YWHAZ: variants seen among roughly 807,000 people sequenced by gnomAD.
YWHAZ encodes tyrosine 3-monooxygenase/tryptophan 5-monooxygenase activation protein zeta.
For missense variants in YWHAZ, 79 were observed against 284.8 expected (o/e 0.28, Z 5.20); for synonymous variants, 87 against 103.6 (o/e 0.84, Z 0.97).
rs2130361606 is a variant in YWHAZ at position 100,948,537 on chromosome 8, G to A, written c.294+59C>T. ...AACCAAACAAAAAGTTAAGAGTAAT[G>A]TAACTGATACTCATAGGGACCCTAC... On this transcript the variant is annotated intron_variant, in intron 2 of 5. Coordinates refer to ENST00000395958, the MANE Select transcript of YWHAZ (RefSeq NM_145690.3). This position sits in a 1 kb window ranked among gnomAD's most constrained non-coding sequence, Gnocchi z 4.2. The A allele has an allele frequency of 6.6e-7, 1 of 1,519,316 alleles. No homozygotes were observed. Among genetic ancestry groups the A allele is most frequent in the African/African-American group, 1.4e-5 (1 of 71,856 alleles). 94.1% of individuals were successfully genotyped at this position (1,519,316 alleles called of 1,614,324 possible). A position where few individuals can be genotyped will look rare whatever the true frequency, so the allele number is the denominator to read the frequency against.
At chr8:100,926,806 A>G (rs1468477666) in intron 2 of YWHAZ, among the ~76,000 whole-genome samples, 1 of 151,842 alleles carries the variant, frequency 6.6e-6, no homozygotes, top group Non-Finnish European at 1.5e-5. Flanking sequence ...ATCTGCCTCA[A>G]ACAGTGGAAG....
In YWHAZ at chr8:100,917,370, C is replaced by G. The variant is rs1207738124; in HGVS notation, c.*3323G>C. 8 of 152,254 alleles carry G rather than the reference C, an allele frequency of 5.3e-5. No homozygotes were observed. Among genetic ancestry groups the G allele is most frequent in the African/African-American group, 1.9e-4 (8 of 41,528 alleles). 9.4% of individuals were successfully genotyped at this position (152,254 alleles called of 1,614,324 possible). ...GCTGCAGGAAAGCCCATCGTTTTTA[C>G]TAATCACACTGCTGCTCCACTTTCT... On this transcript the variant is annotated 3_prime_UTR_variant, in exon 6 of 6. Coordinates refer to ENST00000395958, the MANE Select transcript of YWHAZ (RefSeq NM_145690.3).
chr8:100,944,624 C>A (rs534299815), intron 2 of YWHAZ, among the ~76,000 whole-genome samples: 1 of 152,286 alleles, frequency 6.6e-6, no homozygotes, highest in East Asian at 1.9e-4. Context: ...CAAAAATACA[C>A]AATTTTAAAG....
chr8:100,951,431 GGGAGA>G, intron 1 of YWHAZ: 1 of 981,680 alleles, frequency 1.0e-6, no homozygotes, highest in Non-Finnish European at 1.2e-6. Context: ...GGGCGGCCGA[GGGAGA>G]GGGGAGGGGG....
Position 100,951,720 on chromosome 8 carries a change from G to A in YWHAZ, c.-12+209C>T, listed in dbSNP as rs1001874082. On this transcript the variant is annotated intron_variant, in intron 1 of 5. Coordinates refer to ENST00000395958, the MANE Select transcript of YWHAZ (RefSeq NM_145690.3). ...TCGGCGCCGGGGCGTCGATGCGGAA[G>A]CAAGGAGCCGGAGGCGGCCGCTAGC... 7 of 985,382 alleles carry A rather than the reference G, an allele frequency of 7.1e-6. No homozygotes were observed. In the African/African-American group the frequency reaches 1.0e-4, roughly 15 times the overall value. The allele number at this position is 985,382 out of a possible 1,614,324, so 61.0% of individuals were successfully genotyped here.
At chr8:100,939,979 C>T (rs1476816711) in intron 2 of YWHAZ, among the ~76,000 whole-genome samples, 2 of 151,078 alleles carry the variant, frequency 1.3e-5, no homozygotes, top group Non-Finnish European at 2.9e-5. Flanking sequence ...GCCGAGATCG[C>T]GCCACTGCAC....
At chr8:100,952,807 C>T (rs886554776), upstream of YWHAZ, 13 of 1,000,162 alleles carry the variant, frequency 1.3e-5, no homozygotes, top group African/African-American at 1.7e-5. Flanking sequence ...CCGACCGGGG[C>T]GCGCGGCCCC....
intron 2 of YWHAZ, among the ~76,000 whole-genome samples, chr8:100,939,516 GGGCGT>G (rs1293928042): frequency 6.6e-6 from 1 of 151,828 alleles, no homozygotes; most frequent in Non-Finnish European, 1.5e-5. Flanking sequence ...AAAATCAGCT[GGGCGT>G]GGTGGTGCAT....
rs904508738 is a variant in YWHAZ, at chr8:100,933,808, G to A, written c.295-8769C>T. Among the ~76,000 whole-genome samples, 52 of 152,266 alleles carry A rather than the reference G, an allele frequency of 3.4e-4. 1 individual carries two copies. Among genetic ancestry groups the A allele is most frequent in the African/African-American group, 1.2e-3 (51 of 41,562 alleles). On this transcript the variant is annotated intron_variant, in intron 2 of 5. Coordinates refer to ENST00000395958, the MANE Select transcript of YWHAZ (RefSeq NM_145690.3). ...GGATTGCTGGAGGCCAGGAGTTAGT[G>A]ACCAGCCTAAGCAATATAGCAAGAC...
Position 100,948,220 on chromosome 8 carries a change from C to G in YWHAZ, c.294+376G>C. On this transcript the variant is annotated intron_variant, in intron 2 of 5. Coordinates refer to ENST00000395958, the MANE Select transcript of YWHAZ (RefSeq NM_145690.3). This position sits in a 1 kb window ranked among gnomAD's most constrained non-coding sequence, Gnocchi z 4.2. ...TGAGTATCCTATTACATCTCTCTTACCTAAAGTATGTAAAATTCCTTTATC... is the reference window on the plus strand; with the variant it reads ...TGAGTATCCTATTACATCTCTCTTAGCTAAAGTATGTAAAATTCCTTTATC... The G allele has an allele frequency of 7.8e-7, 1 of 1,280,792 alleles. No individual in the cohort carries two copies. The highest frequency in any genetic ancestry group is 1.1e-6 in the Non-Finnish European group (1 of 947,806). 79.3% of individuals were successfully genotyped at this position (1,280,792 alleles called of 1,614,324 possible).
chr8:100,944,827 C>T (rs989733040), intron 2 of YWHAZ, among the ~76,000 whole-genome samples: 35 of 152,152 alleles, frequency 2.3e-4, no homozygotes, highest in Non-Finnish European at 7.3e-5. Flanking sequence ...TTTAATTGAG[C>T]TTAGTTTTCT....
intron 2 of YWHAZ, among the ~76,000 whole-genome samples, chr8:100,934,179 A>AT (rs1487736562): frequency 6.7e-6 from 1 of 148,928 alleles, no homozygotes; most frequent in African/African-American, 2.5e-5. Flanking sequence ...AAAAAAAAAA[A>AT]AAAAAAATTA....
At chr8:100,933,227 T>A (rs1364776417) in intron 2 of YWHAZ, among the ~76,000 whole-genome samples, 1 of 151,894 alleles carries the variant, frequency 6.6e-6, no homozygotes, top group Non-Finnish European at 1.5e-5. Context: ...GGCATGGTGG[T>A]GTGTGCCTAT....
intron 1 of YWHAZ, among the ~76,000 whole-genome samples, chr8:100,949,446 AG>A (rs1401982319): frequency 6.6e-6 from 1 of 152,200 alleles, no homozygotes; most frequent in African/African-American, 2.4e-5. Flanking sequence ...CAAACCTACT[AG>A]ATCTCTGCAA....
intron 2 of YWHAZ, among the ~76,000 whole-genome samples, chr8:100,939,218 G>A (rs982892873): frequency 6.6e-6 from 1 of 151,918 alleles, no homozygotes; most frequent in African/African-American, 2.4e-5. Context: ...CATCTGTTCT[G>A]TTCTAAAACT....
At chr8:100,933,088 C>T (rs887260650) in intron 2 of YWHAZ, among the ~76,000 whole-genome samples, 1 of 152,140 alleles carries the variant, frequency 6.6e-6, no homozygotes, top group African/African-American at 2.4e-5. Context: ...TGGCTCGGCG[C>T]AGTGGCTCAC....
In YWHAZ at chr8:100,922,537, C is replaced by A. The variant is rs1258203743; in HGVS notation, c.678+1418G>T. 1.3e-5 allele frequency: 2 copies of A among 152,184 alleles called. No homozygotes were observed. Among genetic ancestry groups the A allele is most frequent in the Non-Finnish European group, 1.5e-5 (1 of 68,104 alleles). 9.4% of individuals were successfully genotyped at this position (152,184 alleles called of 1,614,324 possible). ...AGTAGCTGGGATTACAGGTGCCCAC[C>A]ACTATGCCCAGCTAATTTTTGTATT... On this transcript the variant is annotated intron_variant, in intron 5 of 5. Transcript: ENST00000395958. This position sits in a 1 kb window ranked among gnomAD's most constrained non-coding sequence, Gnocchi z 4.1.
chr8:100,943,924 T>C (rs1029654530), intron 2 of YWHAZ, among the ~76,000 whole-genome samples: 5 of 150,404 alleles, frequency 3.3e-5, no homozygotes, highest in African/African-American at 1.2e-4. Context: ...AAGGCAGAGC[T>C]TGCAGTGAGC....
chr8:100,923,822 A>G, intron 5 of YWHAZ, 133 bp downstream of exon 5: 1 of 614,698 alleles, frequency 1.6e-6, no homozygotes, highest in Non-Finnish European at 2.7e-6. Context: ...TAGCTGAGAT[A>G]TATTTATGAG....
Sources: gnomAD v4.1 joint callset for allele counts (sites outside exome capture counted in the v4.1 genomes callset) on GRCh38, gnomAD v4.1.1 for gene constraint, Gnocchi (gnomAD v3.1) non-coding constraint, MANE v1.5 for transcripts, NCBI Gene and HGNC (gene_info 2026-07-23, HGNC 2026-07-21) for gene names.